The following SUMO3 variants were observed in gnomAD, a reference collection of about 807,000 sequenced individuals.
SUMO3 encodes small ubiquitin-related modifier 3.
SUMO3 carries 2 observed loss-of-function variants against 11.1 expected under a neutral mutation model. The ratio of observed to expected loss-of-function variants is 0.18; its 90% confidence interval spans 0.07 to 0.57. The LOEUF (loss-of-function observed/expected upper bound fraction) is 0.57, where lower values mean the gene tolerates loss of function less well. Among genes scored for constraint, SUMO3 ranks in the 20% least tolerant of loss-of-function variants. The probability of loss-of-function intolerance (pLI) is 0.92; values close to 1 mark genes in which losing one functional copy is unlikely to be tolerated. For synonymous variants in SUMO3, 56 were observed against 53.5 expected, an observed-to-expected ratio of 1.05 and a Z score of -0.20; for missense variants, 70 against 132.8, an observed-to-expected ratio of 0.53 and a Z score of 2.32.
intron 1 of SUMO3, among the ~76,000 whole-genome samples, chr21:44,814,664 A>C (rs2083233481): frequency 6.6e-6 from 1 of 152,240 alleles, no homozygotes. Flanking sequence ...TGGGACATTC[A>C]AGTGGTGATT....
intron 2 of SUMO3, among the ~76,000 whole-genome samples, chr21:44,809,629 G>A (rs2083198737): frequency 6.6e-6 from 1 of 152,128 alleles, no homozygotes; most frequent in Non-Finnish European, 1.5e-5. Flanking sequence ...CTTTACATAC[G>A]AAACCCAGGT....
At chr21:44,815,865 G>C (rs1034490614) in intron 1 of SUMO3, among the ~76,000 whole-genome samples, 3 of 152,224 alleles carry the variant, frequency 2.0e-5, no homozygotes, top group Non-Finnish European at 4.4e-5. Flanking sequence ...GAGTTAAAAA[G>C]TGAAGCCCTA....
rs1253247363 is a variant in SUMO3, at chr21:44,818,024, G to C, written c.-56C>G. On this transcript the variant is annotated 5_prime_UTR_variant, in exon 1 of 4. Transcript: ENST00000332859. ...GGGGGAAGCAGCGCGGAGCGGGCGA[G>C]TCACGCTCTCGGCCCCGCCGCTCTC... 8 of 1,166,242 alleles carry C rather than the reference G, an allele frequency of 6.9e-6. No individual in the cohort carries two copies. Among genetic ancestry groups the C allele is most frequent in the Non-Finnish European group, 8.5e-6 (8 of 943,510 alleles). The allele number at this position is 1,166,242 out of a possible 1,614,324, so 72.2% of individuals were successfully genotyped here.
Position 44,806,930 on chromosome 21 carries a change from C to T in SUMO3, c.*21G>A, listed in dbSNP as rs767084965. The T allele has an allele frequency of 3.1e-6, 5 of 1,613,836 alleles. No individual in the cohort carries two copies. Among genetic ancestry groups the T allele is most frequent in the Non-Finnish European group, 3.4e-6 (4 of 1,179,930 alleles). ...TCAACAGCAATGCGAGGATGGACGG[C>T]CCGGGCTGGGGACGGGCCCTCTAGA... On this transcript the variant is annotated 3_prime_UTR_variant, in exon 4 of 4. Coordinates refer to ENST00000332859, the MANE Select transcript of SUMO3 (RefSeq NM_006936.3).
Position 44,811,022 on chromosome 21 carries a change from A to ACACG in SUMO3, c.151-1908_151-1905dup. Among the ~76,000 whole-genome samples the ACACG allele has an allele frequency of 8.1e-6, 1 of 123,048 alleles. No homozygotes were observed. The highest frequency in any genetic ancestry group is 2.6e-5 in the African/African-American group (1 of 38,462). 80.7% of individuals were successfully genotyped at this position (123,048 alleles called of 152,430 possible). On this transcript the variant is annotated intron_variant, in intron 2 of 3. Coordinates refer to ENST00000332859, the MANE Select transcript of SUMO3 (RefSeq NM_006936.3). This position sits in a 1 kb window ranked among gnomAD's most constrained non-coding sequence, Gnocchi z 5.0. ...CACATGCACACACCCACATATGCAC[A>ACACG]CACGCACACACCCACATACACACAC...
intron 2 of SUMO3, 61 bp from the exon 3 acceptor site, chr21:44,809,179 G>T: frequency 6.6e-7 from 1 of 1,524,348 alleles, no homozygotes; most frequent in African/African-American, 1.4e-5. Context: ...GAAAAGCAGT[G>T]GCCATTAGTC....
chr21:44,816,256 A>G (rs1233408662), intron 1 of SUMO3, among the ~76,000 whole-genome samples: 2 of 152,242 alleles, frequency 1.3e-5, no homozygotes, highest in African/African-American at 4.8e-5. Context: ...CATAAAGGAC[A>G]TTTATATTTG....
chr21:44,806,788 T>C lies in SUMO3; in HGVS notation c.*163A>G. On this transcript the variant is annotated 3_prime_UTR_variant, in exon 4 of 4. Coordinates refer to ENST00000332859, the MANE Select transcript of SUMO3 (RefSeq NM_006936.3). ...CCAATTTAAGTTACAGATTCATCCC[T>C]GCAGATATAGTTTTGAGTTGCACTT... 4 of 1,425,706 alleles carry C rather than the reference T, an allele frequency of 2.8e-6. No homozygotes were observed. The highest frequency in any genetic ancestry group is 3.7e-6 in the Non-Finnish European group (4 of 1,083,812). 88.3% of individuals were successfully genotyped at this position (1,425,706 alleles called of 1,614,324 possible).
rs2083229576 is a variant in SUMO3 at position 44,814,077 on chromosome 21, T to A, written c.49A>T (p.Ile17Phe). Residue 17 changes from isoleucine to phenylalanine, a missense_variant, in exon 2 of 4, where the codon ATC becomes TTC. Physicochemically the swap from Ile to Phe is conservative, Grantham distance 21. Coordinates refer to ENST00000332859, the MANE Select transcript of SUMO3 (RefSeq NM_006936.3). The part of the protein sequence containing the change: ...KEGVKTENDH[I>F]NLKVAGQDGS... ...TCCTGCCCGGCCACCTTCAGGTTGA[T>A]GTGGTCATTCTCTGTCTTCACACCC... 6.2e-7 allele frequency: 1 copy of A among 1,613,928 alleles called. No individual in the cohort carries two copies. Among genetic ancestry groups the A allele is most frequent in the South Asian group, 1.1e-5 (1 of 91,092 alleles).
At position 44,806,933 on chromosome 21, in the gene SUMO3, G is replaced by A. The variant is rs755639488; in HGVS notation, c.*18C>T. ...ACAGCAATGCGAGGATGGACGGCCC[G>A]GGCTGGGGACGGGCCCTCTAGAAAC... On this transcript the variant is annotated 3_prime_UTR_variant, in exon 4 of 4. Transcript: ENST00000332859. The A allele has an allele frequency of 4.4e-5, 71 of 1,613,870 alleles. No homozygotes were observed. Among genetic ancestry groups the A allele is most frequent in the Non-Finnish European group, 4.0e-5 (47 of 1,179,982 alleles).
intron 2 of SUMO3, among the ~76,000 whole-genome samples, chr21:44,812,656 A>G (rs1042107014): frequency 2.6e-5 from 4 of 152,302 alleles, no homozygotes; most frequent in African/African-American, 9.6e-5. Flanking sequence ...TTCTAGAAGG[A>G]TTTGAACAGG....
chr21:44,809,089 C>A lies in SUMO3; in HGVS notation c.180G>T (p.Arg60Ser). ...TTTCATTGATTGGCTGCCCGTCGAA[C>A]CTGAATCTGATCTGCCTCATTGACA... ...QGLSMRQIRF[R>S]FDGQPINETD... is the part of the protein sequence containing the mutation. The change falls in exon 3 of 4, where the codon AGG becomes AGT. Residue 60 changes from arginine to serine, a missense_variant. Physicochemically the swap from Arg to Ser is moderately radical, Grantham distance 110. Coordinates refer to ENST00000332859, the MANE Select transcript of SUMO3 (RefSeq NM_006936.3). The A allele has an allele frequency of 6.2e-7, 1 of 1,614,052 alleles. No individual in the cohort carries two copies. Among genetic ancestry groups the A allele is most frequent in the Non-Finnish European group, 8.5e-7 (1 of 1,180,002 alleles).
rs746177399 is a variant in SUMO3, at chr21:44,814,757, G to C, written c.22-653C>G. 2.0e-5 allele frequency among the ~76,000 whole-genome samples: 3 copies of C among 152,320 alleles called. No homozygotes were observed. In the South Asian group the frequency reaches 6.2e-4, roughly 32 times the overall value. ...CTGCCCTGACATCAGCAAATGTGAG[G>C]GAAGCCACCTCCGAGTACTTTCTGG... On this transcript the variant is annotated intron_variant, in intron 1 of 3. Coordinates refer to ENST00000332859, the MANE Select transcript of SUMO3 (RefSeq NM_006936.3).
At chr21:44,812,131 C>T (rs1245411272) in intron 2 of SUMO3, among the ~76,000 whole-genome samples, 2 of 144,786 alleles carry the variant, frequency 1.4e-5, no homozygotes, top group Admixed American at 1.4e-4. Flanking sequence ...ACCTCAGCTC[C>T]CTGCAGCCTC....
In SUMO3 at chr21:44,817,983, C is replaced by T. The variant is rs781050103; in HGVS notation, c.-15G>A. ...TCCTCGGACATGGCTGCGCGAGCGG[C>T]GCGGGGAGGCGGCGCGGGGGAAGCA... On this transcript the variant is annotated 5_prime_UTR_variant, in exon 1 of 4. Transcript: ENST00000332859. 2.7e-4 allele frequency: 299 copies of T among 1,116,172 alleles called. 1 individual carries two copies. In the Middle Eastern group the frequency reaches 3.6e-3, roughly 13 times the overall value. 69.1% of individuals were successfully genotyped at this position (1,116,172 alleles called of 1,614,324 possible).
At chr21:44,808,586 A>C in intron 3 of SUMO3, 1 of 1,379,380 alleles carries the variant, frequency 7.2e-7, no homozygotes, top group South Asian at 1.8e-5. Context: ...GTGATAGATG[A>C]AATCTCATTC....
In SUMO3 at chr21:44,811,127, C is replaced by T. The variant is rs1357661611; in HGVS notation, c.151-2009G>A. ...ACACACATGCACACACCCACATATA[C>T]ACACAGGCACACACCCACACATACA... On this transcript the variant is annotated intron_variant, in intron 2 of 3. Coordinates refer to ENST00000332859, the MANE Select transcript of SUMO3 (RefSeq NM_006936.3). This position sits in a 1 kb window ranked among gnomAD's most constrained non-coding sequence, Gnocchi z 5.0. Among the ~76,000 whole-genome samples the T allele has an allele frequency of 6.6e-6, 1 of 151,016 alleles. No individual in the cohort carries two copies. Among genetic ancestry groups the T allele is most frequent in the East Asian group, 1.9e-4 (1 of 5,150 alleles).
In SUMO3 at chr21:44,814,110, G is replaced by A. The variant is rs774441467; in HGVS notation, c.22-6C>T. 1.2e-6 allele frequency: 2 copies of A among 1,611,492 alleles called. No homozygotes were observed. The highest frequency in any genetic ancestry group is 3.3e-5 in the Admixed American group (2 of 59,996). On this transcript the variant is annotated splice_region_variant and splice_polypyrimidine_tract_variant and intron_variant, in intron 1 of 3. Coordinates refer to ENST00000332859, the MANE Select transcript of SUMO3 (RefSeq NM_006936.3). ...TTCTCTGTCTTCACACCCTCCTGCA[G>A]AAGACACCAGAGACTGGCCTCAAAA... is the stretch of plus-strand genomic sequence containing the variant.
At chr21:44,814,186 T>C in intron 1 of SUMO3, 82 bp from the exon 2 acceptor site, 2 of 1,560,380 alleles carry the variant, frequency 1.3e-6, no homozygotes, top group African/African-American at 2.7e-5. Flanking sequence ...TAGGTAATTG[T>C]TGGCTTTTTA....
Sources: allele counts gnomAD v4.1 joint callset (sites outside exome capture counted in the v4.1 genomes callset), GRCh38; gene constraint gnomAD v4.1.1; non-coding constraint Gnocchi (gnomAD v3.1); transcripts MANE v1.5; gene names NCBI Gene and HGNC (gene_info 2026-07-23, HGNC 2026-07-21).